QTMAN: variants seen among roughly 807,000 people sequenced by gnomAD.
QTMAN encodes the protein tRNA-queuosine alpha-mannosyltransferase.
the QTMAN span, among the ~76,000 whole-genome samples, chr2:143,956,467 C>T: frequency 6.6e-6 from 1 of 152,028 alleles, no homozygotes; most frequent in Non-Finnish European, 1.5e-5. Context: ...TACACATATA[C>T]ACATATTTGC....
chr2:143,945,615 T>C, the QTMAN span: 1 of 152,268 alleles, frequency 6.6e-6, no homozygotes, highest in African/African-American at 2.4e-5. Context: ...GAATCATTGC[T>C]TTCTTTATCT....
the QTMAN span, among the ~76,000 whole-genome samples, chr2:144,184,397 CTCATAATTCCTTA>C: frequency 6.6e-6 from 1 of 152,054 alleles, no homozygotes; most frequent in Non-Finnish European, 1.5e-5. Context: ...ACAATATTTG[CTCATAATTCCTTA>C]AGTGTCAGTT....
At chr2:143,983,202 A>G in the QTMAN span, among the ~76,000 whole-genome samples, 2 of 152,196 alleles carry the variant, frequency 1.3e-5, no homozygotes, top group South Asian at 2.1e-4. Context: ...TAGCAATCTA[A>G]TAACATTCAC....
At chr2:144,326,501 G>A in the QTMAN span, among the ~76,000 whole-genome samples, 1 of 151,384 alleles carries the variant, frequency 6.6e-6, no homozygotes, top group Non-Finnish European at 1.5e-5. Flanking sequence ...GCAGGAGAAT[G>A]GCGTGAACCC....
At chr2:143,957,278 G>A in the QTMAN span, 2 of 1,612,278 alleles carry the variant, frequency 1.2e-6, no homozygotes, top group Non-Finnish European at 1.7e-6. Context: ...CATCTTTGCT[G>A]GGTAAGTAGC....
chr2:144,191,360 G>C, the QTMAN span, among the ~76,000 whole-genome samples: 1 of 152,162 alleles, frequency 6.6e-6, no homozygotes, highest in Non-Finnish European at 1.5e-5. Context: ...ATTTTAAAAA[G>C]TATTAAGCCA....
the QTMAN span, among the ~76,000 whole-genome samples, chr2:144,262,526 T>C: frequency 1.5e-5 from 2 of 136,236 alleles, no homozygotes; most frequent in Non-Finnish European, 3.1e-5. Context: ...GCTACAATCA[T>C]GCCACTGCAC....
chr2:144,106,110 A>G, the QTMAN span, among the ~76,000 whole-genome samples: 1 of 152,338 alleles, frequency 6.6e-6, no homozygotes, highest in South Asian at 2.1e-4. Flanking sequence ...AGGAAGCACT[A>G]TACATGGAAA....
the QTMAN span, among the ~76,000 whole-genome samples, chr2:144,162,641 G>T: frequency 6.6e-6 from 1 of 152,042 alleles, no homozygotes; most frequent in Non-Finnish European, 1.5e-5. Context: ...GGAAAGAGCA[G>T]CAAAGTAAAG....
the QTMAN span, among the ~76,000 whole-genome samples, chr2:144,152,894 T>C: frequency 6.6e-6 from 1 of 152,226 alleles, no homozygotes; most frequent in African/African-American, 2.4e-5. Context: ...ACAAGAAATG[T>C]CACAAAGCAG....
the QTMAN span, among the ~76,000 whole-genome samples, chr2:144,332,981 C>G: frequency 1.3e-4 from 20 of 152,304 alleles, no homozygotes; most frequent in East Asian, 3.5e-3. Flanking sequence ...TGGTCCACTC[C>G]CCGGCCTACT....
the QTMAN span, among the ~76,000 whole-genome samples, chr2:144,017,740 A>G: frequency 3.9e-5 from 6 of 152,202 alleles, no homozygotes; most frequent in African/African-American, 9.6e-5. Context: ...TTTTATATTG[A>G]TAATAGTGGT....
At chr2:144,246,706 T>C in the QTMAN span, among the ~76,000 whole-genome samples, 1 of 151,876 alleles carries the variant, frequency 6.6e-6, no homozygotes, top group Non-Finnish European at 1.5e-5. Flanking sequence ...CACATGGACA[T>C]AGATGCCTTC....
the QTMAN span, among the ~76,000 whole-genome samples, chr2:144,143,625 T>A: frequency 1.3e-3 from 200 of 152,014 alleles, 3 homozygotes; most frequent in Middle Eastern, 6.8e-3. Flanking sequence ...TACAAAGGAA[T>A]GTCACAGAAG....
the QTMAN span, among the ~76,000 whole-genome samples, chr2:144,036,515 T>C: frequency 7.5e-4 from 115 of 152,326 alleles, no homozygotes; most frequent in Non-Finnish European, 1.0e-3. Flanking sequence ...CAAGATTATA[T>C]ATCATATTAC....
At chr2:144,024,884 T>C in the QTMAN span, among the ~76,000 whole-genome samples, 2 of 152,176 alleles carry the variant, frequency 1.3e-5, no homozygotes, top group Non-Finnish European at 2.9e-5. Context: ...GGACTACTAT[T>C]TAAAAAGTAA....
At chr2:144,095,254 G>A in the QTMAN span, among the ~76,000 whole-genome samples, 1 of 152,100 alleles carries the variant, frequency 6.6e-6, no homozygotes, top group African/African-American at 2.4e-5. Context: ...CATTACATTA[G>A]AAATTCTTAA....
At chr2:144,150,166 AC>A in the QTMAN span, among the ~76,000 whole-genome samples, 1 of 151,998 alleles carries the variant, frequency 6.6e-6, no homozygotes, top group Non-Finnish European at 1.5e-5. Flanking sequence ...CTGTGTTACC[AC>A]TCATACACAA....
At chr2:144,088,066 A>C in the QTMAN span, among the ~76,000 whole-genome samples, 1 of 152,010 alleles carries the variant, frequency 6.6e-6, no homozygotes, top group Non-Finnish European at 1.5e-5. Context: ...TAAAGACTTT[A>C]CCAAAAACCT....
Sources: gnomAD v4.1 joint callset for allele counts (sites outside exome capture counted in the v4.1 genomes callset) on GRCh38, gnomAD v4.1.1 for gene constraint, MANE v1.5 for transcripts, NCBI Gene and HGNC (gene_info 2026-07-23, HGNC 2026-07-21) for gene names.